XPOT: variants seen among roughly 807,000 people sequenced by gnomAD.
XPOT encodes the protein exportin for tRNA.
In XPOT, 34 loss-of-function variants were observed where a neutral mutation model predicts 128.2. The ratio of observed to expected loss-of-function variants is 0.27; its 90% CI spans 0.20 to 0.35. The LOEUF (loss-of-function observed/expected upper bound fraction) is 0.35. Ranked by LOEUF, XPOT falls within the 10% of genes least tolerant of loss-of-function variation. The pLI is 1.00. For synonymous variants in XPOT, 348 were observed against 394.3 expected (o/e 0.88, Z 1.39); for missense variants, 838 against 1,125.3 (o/e 0.74, Z 3.65).
chr12:64,422,779 G>A (rs2040151059), intron 9 of XPOT, among the ~76,000 whole-genome samples: 1 of 151,928 alleles, frequency 6.6e-6, no homozygotes, highest in Non-Finnish European at 1.5e-5. Flanking sequence ...GCACATGCCT[G>A]CGGTCCCAGC....
At chr12:64,416,845 C>T in intron 4 of XPOT, 91 bp downstream of exon 4, 1 of 1,139,106 alleles carries the variant, frequency 8.8e-7, no homozygotes, top group Non-Finnish European at 1.3e-6. Flanking sequence ...AACCATAATA[C>T]AGGTTGTAAA....
At position 64,410,083 on chromosome 12, in the gene XPOT, C is replaced by A. The variant is rs752212606; in HGVS notation, c.48C>A (p.Asp16Glu). Residue 16 changes from aspartate (D) to glutamate (E), a missense_variant, in exon 2 of 25, where the codon GAC becomes GAA. Asp to Glu is a conservative substitution (Grantham distance 45). Coordinates refer to ENST00000332707, the MANE Select transcript of XPOT (RefSeq NM_007235.6). ...GGCTAAATCCAAATGCTGATTCAGACTTTAGACAAAGGGTAAGTTACTCTG... is the reference window on the plus strand; with the variant it reads ...GGCTAAATCCAAATGCTGATTCAGAATTTAGACAAAGGGTAAGTTACTCTG... ...LLGLNPNADSDFRQRALAYFE... is the reference protein window; with the variant it reads ...LLGLNPNADSEFRQRALAYFE... 6.2e-6 allele frequency: 10 copies of A among 1,613,594 alleles called. No individual in the cohort carries two copies. The highest frequency in any genetic ancestry group is 8.5e-6 in the Non-Finnish European group (10 of 1,179,920).
intron 3 of XPOT, among the ~76,000 whole-genome samples, chr12:64,415,562 G>T (rs927518188): frequency 5.9e-5 from 9 of 151,814 alleles, no homozygotes; most frequent in Non-Finnish European, 1.2e-4. Flanking sequence ...TTTCTTTTTG[G>T]TGGAGACAGG....
intron 24 of XPOT, among the ~76,000 whole-genome samples, chr12:64,446,918 G>A (rs1436931747): frequency 1.3e-5 from 2 of 152,012 alleles, no homozygotes; most frequent in African/African-American, 2.4e-5. Flanking sequence ...CCATTTTCAC[G>A]CTGCTGATAA....
At chr12:64,416,197 A>C (rs997544892) in intron 3 of XPOT, among the ~76,000 whole-genome samples, 2 of 152,248 alleles carry the variant, frequency 1.3e-5, no homozygotes, top group African/African-American at 4.8e-5. Flanking sequence ...GTCCTGTACG[A>C]AACTTTGAAG....
intron 21 of XPOT, 125 bp from the exon 22 acceptor site, chr12:64,435,502 A>C: frequency 1.4e-6 from 1 of 718,734 alleles, no homozygotes; most frequent in South Asian, 4.4e-5. Context: ...CCTTCTCTGG[A>C]GTTAAATATT....
In XPOT at chr12:64,416,680, T is replaced by C. The variant is rs776270587; in HGVS notation, c.144-18T>C. On this transcript the variant is annotated intron_variant, in intron 3 of 24. Coordinates refer to ENST00000332707, the MANE Select transcript of XPOT (RefSeq NM_007235.6). Reference sequence around the variant, plus strand: ...AGTTCATATTCTGCTTATCTCATTTTCTTTTTTTCTTTTTCAGTGATGATC... The same window carrying C: ...AGTTCATATTCTGCTTATCTCATTTCCTTTTTTTCTTTTTCAGTGATGATC... 2 of 1,603,016 alleles carry C rather than the reference T, an allele frequency of 1.2e-6. No homozygotes were observed. The highest frequency in any genetic ancestry group is 1.7e-5 in the Admixed American group (1 of 59,392).
chr12:64,409,294 A>G (rs1441599927), intron 1 of XPOT, among the ~76,000 whole-genome samples: 1 of 152,224 alleles, frequency 6.6e-6, no homozygotes, highest in Non-Finnish European at 1.5e-5. Context: ...CTGCAGTTGC[A>G]CAATTGCATT....
intron 21 of XPOT, 121 bp from the exon 22 acceptor site, chr12:64,435,506 A>T: frequency 1.3e-6 from 1 of 779,976 alleles, no homozygotes; most frequent in Non-Finnish European, 1.8e-6. Flanking sequence ...CTCTGGAGTT[A>T]AATATTTCTC....
chr12:64,424,350 T>C (rs1258888976), intron 11 of XPOT, among the ~76,000 whole-genome samples: 1 of 152,168 alleles, frequency 6.6e-6, no homozygotes, highest in Non-Finnish European at 1.5e-5. Context: ...GCTTAATAAG[T>C]TTTTCTATAT....
chr12:64,436,771 A>G (rs531450976), intron 22 of XPOT, among the ~76,000 whole-genome samples: 9 of 152,208 alleles, frequency 5.9e-5, no homozygotes, highest in South Asian at 2.1e-4. Context: ...TATAGAGACC[A>G]GGTCTCACCA....
chr12:64,420,438 G>A lies in XPOT; in HGVS notation c.760G>A (p.Gly254Arg). The change falls in exon 8 of 25, where the codon GGA becomes AGA. Residue 254 changes from glycine (G) to arginine (R), a missense_variant. This residue lies in a region of XPOT where 761 missense variants were observed against 988.3 expected (regional missense o/e 0.77). Coordinates refer to ENST00000332707, the MANE Select transcript of XPOT (RefSeq NM_007235.6). ...CDCLFEVVNK[G>R]MDPVDKMKLV... is the part of the protein sequence containing the mutation. Reference sequence around the variant, plus strand: ...CTGTTTATTTGAAGTTGTAAATAAAGGAATGGACCCTGTTGATAAAATGAA... The same window carrying A: ...CTGTTTATTTGAAGTTGTAAATAAAAGAATGGACCCTGTTGATAAAATGAA... 2 of 1,613,644 alleles carry A rather than the reference G, an allele frequency of 1.2e-6. No homozygotes were observed. The highest frequency in any genetic ancestry group is 1.7e-6 in the Non-Finnish European group (2 of 1,179,694).
intron 6 of XPOT, among the ~76,000 whole-genome samples, chr12:64,419,759 C>T (rs2040121248): frequency 6.6e-6 from 1 of 152,228 alleles, no homozygotes; most frequent in South Asian, 2.1e-4. Context: ...CGTGTTGCTA[C>T]TTCTGTATTC....
intron 3 of XPOT, among the ~76,000 whole-genome samples, chr12:64,415,998 G>A (rs1009202705): frequency 6.6e-6 from 1 of 152,060 alleles, no homozygotes; most frequent in Non-Finnish European, 1.5e-5. Context: ...AACTTTTTAC[G>A]GAAATAGGAA....
chr12:64,436,688 T>G (rs1003094377), intron 22 of XPOT, among the ~76,000 whole-genome samples: 3 of 151,582 alleles, frequency 2.0e-5, no homozygotes, highest in Non-Finnish European at 2.9e-5. Flanking sequence ...TCAAGTACTC[T>G]TCCCACTTCA....
chr12:64,433,090 C>T (rs953650361), intron 18 of XPOT, among the ~76,000 whole-genome samples: 6 of 152,204 alleles, frequency 3.9e-5, no homozygotes, highest in East Asian at 1.9e-4. Flanking sequence ...GGACTACAGG[C>T]GTGCGCCACT....
chr12:64,406,470 G>A (rs1190410670), intron 1 of XPOT, among the ~76,000 whole-genome samples: 2 of 152,112 alleles, frequency 1.3e-5, no homozygotes, highest in Non-Finnish European at 2.9e-5. Context: ...CCGGGTTCAA[G>A]CGATTCTCCT....
At chr12:64,420,966 A>T (rs1031916351) in intron 8 of XPOT, among the ~76,000 whole-genome samples, 19 of 151,958 alleles carry the variant, frequency 1.3e-4, no homozygotes, top group African/African-American at 4.6e-4. Flanking sequence ...ACACCCGGCA[A>T]ATTTTTTACC....
At position 64,450,699 on chromosome 12, in the gene XPOT, CAAAT is replaced by C. The variant is rs2040405140; in HGVS notation, c.*2571_*2574del. On this transcript the variant is annotated 3_prime_UTR_variant, in exon 25 of 25. Transcript: ENST00000332707. ...TACCTTATTTCCAAAAGCAAGTACTCAAATAATTGTCTCAAGAGAGGAAGGACAA... is the reference window on the plus strand; with the variant it reads ...TACCTTATTTCCAAAAGCAAGTACTCAATTGTCTCAAGAGAGGAAGGACAA... The C allele has an allele frequency of 6.6e-6, 1 of 152,178 alleles. No homozygotes were observed. The highest frequency in any genetic ancestry group is 1.9e-4 in the East Asian group (1 of 5,198). The allele number at this position is 152,178 out of a possible 1,614,324, so 9.4% of individuals were successfully genotyped here. A position where few individuals can be genotyped will look rare whatever the true frequency, so the allele number is the denominator to read the frequency against.
Sources: allele counts gnomAD v4.1 joint callset (sites outside exome capture counted in the v4.1 genomes callset), GRCh38; gene constraint gnomAD v4.1.1; regional missense constraint gnomAD v4.1.1; transcripts MANE v1.5; gene names NCBI Gene and HGNC (gene_info 2026-07-23, HGNC 2026-07-21).